The following C1QBP variants were observed in gnomAD, a reference collection of about 807,000 sequenced individuals.
The protein encoded by C1QBP is complement component 1 Q subcomponent-binding protein, mitochondrial.
C1QBP carries 24 observed loss-of-function variants against 29.4 expected under a neutral mutation model. The observed-to-expected ratio is 0.82, with a 90% CI of 0.59 to 1.15. The LOEUF (loss-of-function observed/expected upper bound fraction) is 1.15, where lower values mean the gene tolerates loss of function less well. Ranked by LOEUF, C1QBP falls within the 50% of genes most tolerant of loss-of-function variation. C1QBP has a pLI of 0.00. For missense variants in C1QBP, 337 were observed against 355.8 expected, an observed-to-expected ratio of 0.95 and a Z score of 0.43; for synonymous variants, 182 against 149.2, an observed-to-expected ratio of 1.22 and a Z score of -1.60.
At position 5,433,274 on chromosome 17, in the gene C1QBP, C is replaced by T. The variant is rs7220640; in HGVS notation, c.699+19G>A. ...CCTTCCAAGGCCCAAAAGGTTCCCCCACCTTATCAAGCACTCACCCAGTCC... is the reference window on the plus strand; with the variant it reads ...CCTTCCAAGGCCCAAAAGGTTCCCCTACCTTATCAAGCACTCACCCAGTCC... On this transcript the variant is annotated intron_variant, in intron 5 of 5. Transcript: ENST00000225698. 1.2e-6 allele frequency: 2 copies of T among 1,614,082 alleles called. No individual in the cohort carries two copies. Among genetic ancestry groups the T allele is most frequent in the South Asian group, 2.2e-5 (2 of 91,042 alleles).
In C1QBP at chr17:5,433,206, T is replaced by C. The variant is rs757501462; in HGVS notation, c.700-42A>G. The C allele has an allele frequency of 1.4e-5, 22 of 1,609,154 alleles. No homozygotes were observed. In the South Asian group the frequency reaches 2.0e-4, roughly 15 times the overall value. ...TTACTAGTTAAAAAAAAATCTGTAA[T>C]GAACATTAAAATGCTTTTTTCTCCC... On this transcript the variant is annotated intron_variant, in intron 5 of 5. Transcript: ENST00000225698.
intron 2 of C1QBP, among the ~76,000 whole-genome samples, chr17:5,435,539 G>A (rs1916245979): frequency 6.6e-6 from 1 of 152,030 alleles, no homozygotes; most frequent in African/African-American, 2.4e-5. Flanking sequence ...CTGTAGTAGA[G>A]ACTCATCCCT....
At position 5,438,199 on chromosome 17, in the gene C1QBP, G is replaced by T. The variant is rs1916326871; in HGVS notation, c.307C>A (p.Pro103Thr). The T allele has an allele frequency of 6.2e-7, 1 of 1,613,786 alleles. No homozygotes were observed. The highest frequency in any genetic ancestry group is 8.5e-7 in the Non-Finnish European group (1 of 1,180,022). Residue 103 changes from proline (P) to threonine (T), a missense_variant, in exon 2 of 6, where the codon CCT becomes ACT. Pro to Thr is a conservative substitution (Grantham distance 38). Coordinates refer to ENST00000225698, the MANE Select transcript of C1QBP (RefSeq NM_001212.4). ...AGCTCCCAACCTCCAGACATCTTAG[G>T]GAGGGTTTTATGCTTCTGAATTTTT... Reference protein sequence around the residue: ...ERKIQKHKTLPKMSGGWELEL... With the variant: ...ERKIQKHKTLTKMSGGWELEL...
At position 5,432,826 on chromosome 17, in the gene C1QBP, G is replaced by A. The variant is rs3190749; in HGVS notation, c.*189C>T. ...GTCTATCATGTTATACAAAAATCTA[G>A]AAATAATAGATTTGTACAGAAAAAA... On this transcript the variant is annotated 3_prime_UTR_variant, in exon 6 of 6. Transcript: ENST00000225698. 2 of 887,260 alleles carry A rather than the reference G, an allele frequency of 2.3e-6. No individual in the cohort carries two copies. The highest frequency in any genetic ancestry group is 1.6e-6 in the Non-Finnish European group (1 of 616,994). 55.0% of individuals were successfully genotyped at this position (887,260 alleles called of 1,614,324 possible).
At chr17:5,436,040 G>GTA (rs1916263045) in intron 2 of C1QBP, among the ~76,000 whole-genome samples, 1 of 125,210 alleles carries the variant, frequency 8.0e-6, no homozygotes, top group Non-Finnish European at 1.6e-5. Flanking sequence ...GCAAGACTCT[G>GTA]TCAGAAAAAA....
intron 2 of C1QBP, among the ~76,000 whole-genome samples, chr17:5,436,784 C>T (rs889504779): frequency 6.6e-6 from 1 of 152,124 alleles, no homozygotes; most frequent in African/African-American, 2.4e-5. Flanking sequence ...CTTTGGGAGG[C>T]CAAGGCGGGC....
intron 3 of C1QBP, 81 bp downstream of exon 3, chr17:5,434,792 C>T (rs1916224379): frequency 1.5e-6 from 2 of 1,317,420 alleles, no homozygotes; most frequent in Non-Finnish European, 2.1e-6. Context: ...TTTTGAAAGA[C>T]CAAAGAAAAA....
Position 5,433,090 on chromosome 17 carries a change from C to T in C1QBP, c.774G>A (p.Glu258=), listed in dbSNP as rs1452295407. The change falls in exon 6 of 6, where the codon GAG becomes GAA. Residue 258 remains glutamate, a synonymous_variant. Transcript: ENST00000225698. ...VDNTFADELV[E]LSTALEHQEY... ...CCTGGTGCTCCAGGGCTGTGCTGAG[C>T]TCCACCAGCTCATCTGCAAAAGTGT... is the stretch of plus-strand genomic sequence containing the variant. 6.2e-7 allele frequency: 1 copy of T among 1,614,170 alleles called. No homozygotes were observed. Among genetic ancestry groups the T allele is most frequent in the Non-Finnish European group, 8.5e-7 (1 of 1,180,032 alleles).
chr17:5,435,346 G>A (rs894266874), intron 2 of C1QBP, among the ~76,000 whole-genome samples: 3 of 152,184 alleles, frequency 2.0e-5, no homozygotes, highest in African/African-American at 7.2e-5. Context: ...GGTCTTTCCA[G>A]GGAACCCTTG....
chr17:5,436,835 C>G (rs572786412), intron 2 of C1QBP, among the ~76,000 whole-genome samples: 1 of 152,232 alleles, frequency 6.6e-6, no homozygotes, highest in South Asian at 2.1e-4. Flanking sequence ...CTGGCCAACA[C>G]GGTGAAACCC....
chr17:5,432,893 GT>G lies in C1QBP; in HGVS notation c.*121del. 8.5e-7 allele frequency: 1 copy of G among 1,172,014 alleles called. No individual in the cohort carries two copies. Among genetic ancestry groups the G allele is most frequent in the Non-Finnish European group, 1.2e-6 (1 of 851,428 alleles). The allele number at this position is 1,172,014 out of a possible 1,614,324, so 72.6% of individuals were successfully genotyped here. A position where few individuals can be genotyped will look rare whatever the true frequency, so the allele number is the denominator to read the frequency against. On this transcript the variant is annotated 3_prime_UTR_variant, in exon 6 of 6. Transcript: ENST00000225698. Reference sequence around the variant, plus strand: ...ACACAAAACATATAATTTAAATTTGGTATTTTTTCCCCCATGATATTAGGAT... The same window carrying G: ...ACACAAAACATATAATTTAAATTTGGATTTTTTCCCCCATGATATTAGGAT...
At position 5,436,741 on chromosome 17, in the gene C1QBP, T is replaced by A. The variant is rs557251668; in HGVS notation, c.383+1382A>T. Among the ~76,000 whole-genome samples the A allele has an allele frequency of 2.2e-3, 340 of 151,960 alleles. 3 individuals carry two copies. Among genetic ancestry groups the A allele is most frequent in the Non-Finnish European group, 4.1e-3 (282 of 67,982 alleles). On this transcript the variant is annotated intron_variant, in intron 2 of 5. Coordinates refer to ENST00000225698, the MANE Select transcript of C1QBP (RefSeq NM_001212.4). ...CCAACAATTAAAAAGGTAAATAGGGTGGGCAGGGTGGCTCACACCTGAAAT... is the reference window on the plus strand; with the variant it reads ...CCAACAATTAAAAAGGTAAATAGGGAGGGCAGGGTGGCTCACACCTGAAAT...
Position 5,433,108 on chromosome 17 carries a change from AAAAGTGTTG to A in C1QBP, c.747_755del (p.Asn250_Phe252del). 1 of 1,614,160 alleles carries A rather than the reference AAAAGTGTTG, an allele frequency of 6.2e-7. No homozygotes were observed. The highest frequency in any genetic ancestry group is 8.5e-7 in the Non-Finnish European group (1 of 1,179,996). On this transcript the variant is annotated inframe_deletion, in exon 6 of 6. Coordinates refer to ENST00000225698, the MANE Select transcript of C1QBP (RefSeq NM_001212.4). Reference sequence around the variant, plus strand: ...TGCTGAGCTCCACCAGCTCATCTGCAAAAGTGTTGTCCACCCCTCGGTCGGCAAGGAAAT... The same window carrying A: ...TGCTGAGCTCCACCAGCTCATCTGCATCCACCCCTCGGTCGGCAAGGAAAT...
Position 5,437,603 on chromosome 17 carries a change from G to A in C1QBP, c.383+520C>T, listed in dbSNP as rs760094431. On this transcript the variant is annotated intron_variant, in intron 2 of 5. Coordinates refer to ENST00000225698, the MANE Select transcript of C1QBP (RefSeq NM_001212.4). ...TGGGATTATGGGTGTGAGCCACCGC[G>A]CCCAGGCTCAATTTAAAAACCTGGA... Among the ~76,000 whole-genome samples, 37 of 152,324 alleles carry A rather than the reference G, an allele frequency of 2.4e-4. 1 individual carries two copies. The highest frequency in any genetic ancestry group is 2.6e-4 in the Non-Finnish European group (18 of 68,020).
rs931910087 is a variant in C1QBP at position 5,434,620 on chromosome 17, A to C, written c.477+253T>G. 1.4e-5 allele frequency: 4 copies of C among 282,138 alleles called. No homozygotes were observed. The East Asian group carries it at 3.0e-4, about 21-fold the overall frequency. The allele number at this position is 282,138 out of a possible 1,614,324, so 17.5% of individuals were successfully genotyped here. ...GTAGCTGGGATTACAGGGACCTGCC[A>C]CCATGCCCAGCTAATTTTTGTATTT... On this transcript the variant is annotated intron_variant, in intron 3 of 5. Transcript: ENST00000225698.
chr17:5,436,875 G>A (rs1422985106), intron 2 of C1QBP, among the ~76,000 whole-genome samples: 1 of 152,012 alleles, frequency 6.6e-6, no homozygotes, highest in Non-Finnish European at 1.5e-5. Context: ...AAAATTAACC[G>A]GACGCACGCC....
intron 2 of C1QBP, among the ~76,000 whole-genome samples, chr17:5,435,216 G>A (rs1916238301): frequency 6.6e-6 from 1 of 152,190 alleles, no homozygotes; most frequent in Non-Finnish European, 1.5e-5. Flanking sequence ...GCTGGCCTCA[G>A]TTTATCTCAG....
In C1QBP at chr17:5,439,111, C is replaced by T. The variant is rs1224438648; in HGVS notation, c.-38G>A. 1.7e-5 allele frequency: 26 copies of T among 1,537,764 alleles called. No homozygotes were observed. The highest frequency in any genetic ancestry group is 2.3e-5 in the Non-Finnish European group (26 of 1,142,076). On this transcript the variant is annotated 5_prime_UTR_variant, in exon 1 of 6. Coordinates refer to ENST00000225698, the MANE Select transcript of C1QBP (RefSeq NM_001212.4). ...TGCGAACACGTGCAGATGCAAAGGA[C>T]AACCCAGGCCTAGGCGCCCCGCGAC...
intron 3 of C1QBP, chr17:5,434,007 T>G: frequency 1.8e-6 from 1 of 555,700 alleles, no homozygotes; most frequent in Non-Finnish European, 3.2e-6. Flanking sequence ...CTCAGCTATG[T>G]GCCAATTAAC....
Sources: allele counts gnomAD v4.1 joint callset (sites outside exome capture counted in the v4.1 genomes callset), GRCh38; gene constraint gnomAD v4.1.1; transcripts MANE v1.5; gene names NCBI Gene and HGNC (gene_info 2026-07-23, HGNC 2026-07-21).